The following NUP93 variants were observed in gnomAD, a reference collection of about 807,000 sequenced individuals.
The protein encoded by NUP93 is nuclear pore complex protein Nup93.
In NUP93, 55 loss-of-function variants were observed where a neutral mutation model predicts 107.8. That is an observed-to-expected ratio of 0.51 (90% CI 0.41 to 0.64). The LOEUF is 0.64. Ranked by LOEUF, NUP93 falls within the 30% of genes least tolerant of loss-of-function variation. NUP93 has a pLI of 0.00. For missense variants in NUP93, 937 were observed against 1,044.7 expected, an observed-to-expected ratio of 0.90 and a Z score of 1.42; for synonymous variants, 390 against 397.5, an observed-to-expected ratio of 0.98 and a Z score of 0.22.
chr16:56,824,105 T>C (rs1242321752), intron 8 of NUP93, among the ~76,000 whole-genome samples: 1 of 152,178 alleles, frequency 6.6e-6, no homozygotes, highest in Non-Finnish European at 1.5e-5. Flanking sequence ...TCCCTTTTTC[T>C]TTCTCCACAC....
At chr16:56,797,271 A>G (rs1372240306) in intron 3 of NUP93, among the ~76,000 whole-genome samples, 1 of 152,266 alleles carries the variant, frequency 6.6e-6, no homozygotes, top group Non-Finnish European at 1.5e-5. Flanking sequence ...TTAGACATGT[A>G]TAAATGCACC....
chr16:56,776,718 G>A (rs1962422295), intron 3 of NUP93, among the ~76,000 whole-genome samples: 1 of 152,176 alleles, frequency 6.6e-6, no homozygotes, highest in Non-Finnish European at 1.5e-5. Flanking sequence ...TGGGGCTCTA[G>A]CAGGCACCCA....
chr16:56,792,872 T>A (rs1320373490), intron 3 of NUP93, among the ~76,000 whole-genome samples: 1 of 152,180 alleles, frequency 6.6e-6, no homozygotes, highest in East Asian at 1.9e-4. Flanking sequence ...TACTCTTCCC[T>A]AAGTATCTCA....
At chr16:56,753,475 C>A (rs754010239) in intron 2 of NUP93, among the ~76,000 whole-genome samples, 63 of 152,324 alleles carry the variant, frequency 4.1e-4, no homozygotes, top group Non-Finnish European at 6.5e-4. Context: ...AGCCTTGCTA[C>A]TTTGAGTGTA....
chr16:56,760,025 AAT>A (rs1213757195), intron 3 of NUP93, among the ~76,000 whole-genome samples: 2 of 152,124 alleles, frequency 1.3e-5, no homozygotes, highest in African/African-American at 4.8e-5. Flanking sequence ...CAGGTTTGTA[AAT>A]GTATTGAGTC....
chr16:56,741,620 ATAAT>A (rs1368510526), intron 1 of NUP93, among the ~76,000 whole-genome samples: 5 of 152,232 alleles, frequency 3.3e-5, no homozygotes, highest in Non-Finnish European at 1.5e-5. Context: ...ATAATCAAAA[ATAAT>A]TATTTAAAAT....
intron 4 of NUP93, among the ~76,000 whole-genome samples, chr16:56,804,371 C>G (rs1963087335): frequency 6.6e-6 from 1 of 152,138 alleles, no homozygotes; most frequent in Non-Finnish European, 1.5e-5. Context: ...GAATATTTTT[C>G]AGCTTTAAAA....
intron 8 of NUP93, among the ~76,000 whole-genome samples, chr16:56,826,368 T>A (rs1488468031): frequency 6.6e-6 from 1 of 151,924 alleles, no homozygotes; most frequent in African/African-American, 2.4e-5. Flanking sequence ...AAAAATTAGC[T>A]GGGTGTGGTG....
intron 3 of NUP93, among the ~76,000 whole-genome samples, chr16:56,768,832 A>G (rs1962267722): frequency 6.8e-6 from 1 of 146,018 alleles, no homozygotes; most frequent in South Asian, 2.2e-4. Flanking sequence ...GCCCCACTGC[A>G]CTCCAGTCTG....
At chr16:56,733,785 C>A (rs1237033473) in intron 1 of NUP93, among the ~76,000 whole-genome samples, 1 of 152,094 alleles carries the variant, frequency 6.6e-6, no homozygotes, top group East Asian at 1.9e-4. Context: ...TCTGTTAATA[C>A]CTCCATCTCT....
intron 12 of NUP93, among the ~76,000 whole-genome samples, chr16:56,832,897 G>A (rs1963825472): frequency 6.6e-6 from 1 of 152,218 alleles, no homozygotes; most frequent in Admixed American, 6.5e-5. Flanking sequence ...GGGTAAAGGA[G>A]ATAAACACTC....
chr16:56,831,253 A>G (rs1963779736), intron 10 of NUP93, among the ~76,000 whole-genome samples: 1 of 152,206 alleles, frequency 6.6e-6, no homozygotes. Flanking sequence ...GAGGTTATAT[A>G]TATGTACATG....
At chr16:56,792,371 C>T (rs1175009320) in intron 3 of NUP93, among the ~76,000 whole-genome samples, 1 of 152,118 alleles carries the variant, frequency 6.6e-6, no homozygotes, top group Non-Finnish European at 1.5e-5. Context: ...ATCAGTTTAT[C>T]TCACCTTGAT....
intron 18 of NUP93, 150 bp downstream of exon 18, chr16:56,837,876 G>A (rs868386635): frequency 3.3e-6 from 2 of 606,262 alleles, no homozygotes; most frequent in Middle Eastern, 8.5e-4. Flanking sequence ...CACCAGCACT[G>A]TGTGAGTTCC....
chr16:56,803,161 C>T (rs934766218), intron 4 of NUP93, among the ~76,000 whole-genome samples: 1 of 152,060 alleles, frequency 6.6e-6, no homozygotes, highest in Non-Finnish European at 1.5e-5. Flanking sequence ...TTTAAAAAAT[C>T]AAATCAAATC....
chr16:56,742,901 C>A (rs375414667), intron 1 of NUP93, among the ~76,000 whole-genome samples: 2 of 152,130 alleles, frequency 1.3e-5, no homozygotes, highest in African/African-American at 4.8e-5. Context: ...CTACTCATGG[C>A]TGATGCTTTA....
At chr16:56,834,649 G>T (rs1412007470) in intron 15 of NUP93, 85 bp from the exon 16 acceptor site, 3 of 1,273,550 alleles carry the variant, frequency 2.4e-6, no homozygotes, top group Non-Finnish European at 3.4e-6. Flanking sequence ...CATCCCATTT[G>T]ATTCCCCTCT....
At chr16:56,794,147 A>C (rs1962835998) in intron 3 of NUP93, among the ~76,000 whole-genome samples, 1 of 152,154 alleles carries the variant, frequency 6.6e-6, no homozygotes, top group Admixed American at 6.6e-5. Context: ...ATTATTTTTA[A>C]AAATATTTTG....
At chr16:56,761,870 A>G (rs1032234198) in intron 3 of NUP93, among the ~76,000 whole-genome samples, 2 of 152,212 alleles carry the variant, frequency 1.3e-5, no homozygotes, top group African/African-American at 4.8e-5. Flanking sequence ...GTCATAATCA[A>G]TAATGTTTGC....
Sources: gnomAD v4.1 joint callset for allele counts (sites outside exome capture counted in the v4.1 genomes callset) on GRCh38, gnomAD v4.1.1 for gene constraint, MANE v1.5 for transcripts, NCBI Gene and HGNC (gene_info 2026-07-23, HGNC 2026-07-21) for gene names.